The following DCC variants were observed in gnomAD, a reference collection of about 807,000 sequenced individuals.
The protein encoded by DCC is DCC netrin 1 receptor.
In DCC, 58 loss-of-function variants were observed where a neutral mutation model predicts 172.5. That is an observed-to-expected ratio of 0.34 (90% CI 0.27 to 0.42). The LOEUF (loss-of-function observed/expected upper bound fraction) is 0.42, where lower values mean the gene tolerates loss of function less well. Among genes scored for constraint, DCC ranks in the 10% least tolerant of loss-of-function variants. The pLI, the probability that DCC is intolerant of heterozygous loss-of-function variation, is 1.00. For missense variants in DCC, 1,740 were observed against 1,791.0 expected (o/e 0.97, Z 0.51); for synonymous variants, 709 against 644.5 (o/e 1.10, Z -1.52).
intron 1 of DCC, among the ~76,000 whole-genome samples, chr18:52,743,516 T>A (rs192221593): frequency 6.6e-6 from 1 of 152,332 alleles, no homozygotes; most frequent in East Asian, 1.9e-4. Context: ...AAACTGCAGC[T>A]TAGAGAGTTA....
intron 7 of DCC, among the ~76,000 whole-genome samples, chr18:53,144,788 C>T (rs2043880996): frequency 6.6e-6 from 1 of 152,028 alleles, no homozygotes; most frequent in Non-Finnish European, 1.5e-5. Context: ...CGTAACTGAA[C>T]TCAAGGTACT....
intron 5 of DCC, among the ~76,000 whole-genome samples, chr18:52,930,827 G>A (rs2040296462): frequency 6.6e-6 from 1 of 151,996 alleles, no homozygotes; most frequent in African/African-American, 2.4e-5. Context: ...TTTTGCATAT[G>A]GCACCAAATC....
intron 11 of DCC, 60 bp downstream of exon 11, chr18:53,207,877 A>G (rs902218069): frequency 6.3e-5 from 90 of 1,426,294 alleles, no homozygotes; most frequent in South Asian, 3.7e-4. Context: ...CAATAATGAC[A>G]TGATATTGCA....
intron 2 of DCC, among the ~76,000 whole-genome samples, chr18:52,756,151 T>G (rs2145139330): frequency 6.6e-6 from 1 of 152,366 alleles, no homozygotes; most frequent in African/African-American, 2.4e-5. Flanking sequence ...TTGGGAATTT[T>G]ATTTTTATCC....
rs746246050 is a variant in DCC at position 52,491,340 on chromosome 18, A to G, written c.91+150462A>G. Among the ~76,000 whole-genome samples, 24 of 152,052 alleles carry G rather than the reference A, an allele frequency of 1.6e-4. 1 individual carries two copies. Among genetic ancestry groups the G allele is most frequent in the Admixed American group, 1.3e-4 (2 of 15,242 alleles). Reference sequence around the variant, plus strand: ...ATCAAACATGCAAACAAACACATATATAATTGCAAACTGTGGTATGATACA... The same window carrying G: ...ATCAAACATGCAAACAAACACATATGTAATTGCAAACTGTGGTATGATACA... On this transcript the variant is annotated intron_variant, in intron 1 of 28. Coordinates refer to ENST00000442544, the MANE Select transcript of DCC (RefSeq NM_005215.4).
chr18:53,403,800 A>G (rs1262363745), intron 19 of DCC, among the ~76,000 whole-genome samples: 1 of 152,214 alleles, frequency 6.6e-6, no homozygotes, highest in African/African-American at 2.4e-5. Flanking sequence ...CATGGAAATT[A>G]TACTTTCAGA....
chr18:52,671,903 T>A (rs900066841), intron 1 of DCC, among the ~76,000 whole-genome samples: 2 of 152,068 alleles, frequency 1.3e-5, no homozygotes, highest in African/African-American at 4.8e-5. Context: ...AAATACCCCA[T>A]AAAGCAGAGG....
intron 1 of DCC, among the ~76,000 whole-genome samples, chr18:52,604,259 T>A (rs1431932388): frequency 6.6e-6 from 1 of 152,096 alleles, no homozygotes; most frequent in East Asian, 1.9e-4. Context: ...TCAACTTCAT[T>A]ACCCCAATTC....
chr18:52,741,752 A>T (rs2145114810), intron 1 of DCC, among the ~76,000 whole-genome samples: 1 of 152,036 alleles, frequency 6.6e-6, no homozygotes, highest in East Asian at 1.9e-4. Context: ...ATTCACTCCA[A>T]CCCAGCTATT....
chr18:52,815,499 T>G (rs142097299), intron 2 of DCC, among the ~76,000 whole-genome samples: 3,670 of 150,068 alleles, frequency 0.024, 71 homozygotes, highest in Middle Eastern at 0.1. Context: ...GAGGACACTG[T>G]GAGAAGGCAG....
intron 5 of DCC, among the ~76,000 whole-genome samples, chr18:52,979,321 G>T (rs894180633): frequency 6.6e-6 from 1 of 152,124 alleles, no homozygotes; most frequent in African/African-American, 2.4e-5. Context: ...AGGAAGGGAG[G>T]TGGGAAATAA....
chr18:52,532,751 G>A (rs529643622), intron 1 of DCC, among the ~76,000 whole-genome samples: 13 of 152,004 alleles, frequency 8.6e-5, no homozygotes, highest in South Asian at 2.1e-4. Context: ...TTTTCTGAGG[G>A]CCACCTTCCC....
chr18:53,128,331 A>G (rs1259584976), intron 7 of DCC, among the ~76,000 whole-genome samples: 1 of 152,106 alleles, frequency 6.6e-6, no homozygotes, highest in Non-Finnish European at 1.5e-5. Context: ...AGTCTTGAAG[A>G]GATGTTGCAT....
At chr18:52,957,362 AAGT>A (rs542517738) in intron 5 of DCC, among the ~76,000 whole-genome samples, 421 of 152,238 alleles carry the variant, frequency 2.8e-3, no homozygotes, top group African/African-American at 9.3e-3. Flanking sequence ...AGGGAACTGA[AAGT>A]AGAGCAATCG....
chr18:53,000,846 T>A (rs2041554834), intron 5 of DCC, among the ~76,000 whole-genome samples: 1 of 152,004 alleles, frequency 6.6e-6, no homozygotes, highest in Non-Finnish European at 1.5e-5. Context: ...AAACTTATAC[T>A]TGAATGCATT....
intron 7 of DCC, among the ~76,000 whole-genome samples, chr18:53,114,365 TGC>T (rs1189849250): frequency 2.0e-5 from 3 of 151,544 alleles, no homozygotes. Flanking sequence ...AGTGACAGCC[TGC>T]CAAGTGCATA....
At chr18:53,518,826 T>G (rs1232154329) in intron 27 of DCC, among the ~76,000 whole-genome samples, 1 of 152,164 alleles carries the variant, frequency 6.6e-6, no homozygotes, top group African/African-American at 2.4e-5. Context: ...TTCGTAAATT[T>G]AAATTTGTCA....
intron 19 of DCC, among the ~76,000 whole-genome samples, chr18:53,409,327 G>A (rs1389363662): frequency 1.3e-5 from 2 of 152,094 alleles, no homozygotes; most frequent in Non-Finnish European, 2.9e-5. Flanking sequence ...TGGGACAAGA[G>A]GGACTCAAAA....
intron 1 of DCC, among the ~76,000 whole-genome samples, chr18:52,395,902 T>G (rs1053807288): frequency 6.6e-6 from 1 of 152,014 alleles, no homozygotes; most frequent in East Asian, 1.9e-4. Flanking sequence ...CAGAGCTCTC[T>G]GGCCTCTCAC....
Sources: allele counts gnomAD v4.1 joint callset (sites outside exome capture counted in the v4.1 genomes callset), GRCh38; gene constraint gnomAD v4.1.1; transcripts MANE v1.5; gene names NCBI Gene and HGNC (gene_info 2026-07-23, HGNC 2026-07-21).